The following HEXA variants were observed in gnomAD, a reference collection of about 807,000 sequenced individuals.
The protein encoded by HEXA is beta-hexosaminidase subunit alpha.
HEXA carries 54 observed loss-of-function variants against 73.3 expected under a neutral mutation model. The ratio of observed to expected loss-of-function variants is 0.74; its 90% confidence interval spans 0.59 to 0.92. The LOEUF (loss-of-function observed/expected upper bound fraction) is 0.92. Ranked by LOEUF, HEXA falls within the 40% of genes least tolerant of loss-of-function variation. The pLI, the probability that HEXA is intolerant of heterozygous loss-of-function variation, is 0.00. For synonymous variants in HEXA, 230 were observed against 246.9 expected (o/e 0.93, Z 0.64); for missense variants, 649 against 653.0 (o/e 0.99, Z 0.07).
In HEXA at chr15:72,344,087, T is replaced by A; in HGVS notation, c.1580A>T (p.Glu527Val). 1 of 1,613,682 alleles carries A rather than the reference T, an allele frequency of 6.2e-7. No individual in the cohort carries two copies. Among genetic ancestry groups the A allele is most frequent in the Non-Finnish European group, 8.5e-7 (1 of 1,179,750 alleles). The change falls in exon 14 of 14, where the codon GAA (glutamate) becomes GTA (valine). Residue 527 changes from glutamate (E) to valine (V), a missense_variant. By Grantham distance (121) the Glu-to-Val change is moderately radical (BLOSUM62 -2). Coordinates refer to ENST00000268097, the MANE Select transcript of HEXA (RefSeq NM_000520.6). Reference protein sequence around the residue: ...LNVGFCEQEFEQT With the variant: ...LNVGFCEQEFVQT Reference sequence around the variant, plus strand: ...CTCGGTGCCTGGGGCTCAGGTCTGTTCAAACTCCTGCTCACAGAAGCCTAC... The same window carrying A: ...CTCGGTGCCTGGGGCTCAGGTCTGTACAAACTCCTGCTCACAGAAGCCTAC...
intron 9 of HEXA, 24 bp downstream of exon 9, chr15:72,348,024 C>T (rs750658255): frequency 4.5e-6 from 7 of 1,551,036 alleles, no homozygotes; most frequent in Middle Eastern, 1.9e-4. Context: ...CAAGGGACCC[C>T]ACCCACCCTC....
In HEXA at chr15:72,347,708, TC is replaced by T. The variant is rs766138785; in HGVS notation, c.1123del (p.Glu375ArgfsTer7). On this transcript the variant is annotated frameshift_variant, in exon 10 of 14. Coordinates refer to ENST00000268097, the MANE Select transcript of HEXA (RefSeq NM_000520.6). LOFTEE classifies it high-confidence loss of function. ...CACCTTTACTTTATTATCAAACACCTCCTGCCACACCACATAGCCCTTGCCA... is the reference window on the plus strand; with the variant it reads ...CACCTTTACTTTATTATCAAACACCTCTGCCACACCACATAGCCCTTGCCA... ...SYGKGYVVWQ[E>X]VFDNKVKIQP... The T allele has an allele frequency of 4.3e-6, 7 of 1,612,106 alleles. No homozygotes were observed. Among genetic ancestry groups the T allele is most frequent in the Non-Finnish European group, 5.1e-6 (6 of 1,179,688 alleles).
At chr15:72,346,924 C>A in intron 10 of HEXA, 1 of 578,178 alleles carries the variant, frequency 1.7e-6, no homozygotes, top group East Asian at 3.1e-5. Flanking sequence ...CTCTCCTCCC[C>A]GTCCCTCTGC....
intron 1 of HEXA, chr15:72,370,710 A>AAAAAAAAAAAGG (rs2088980138): frequency 7.6e-6 from 1 of 131,296 alleles, no homozygotes; most frequent in Non-Finnish European, 1.7e-5. Flanking sequence ...AAAAAAAAAG[A>AAAAAAAAAAAGG]AAGAAAAGAA....
Position 72,346,659 on chromosome 15 carries a change from A to C in HEXA, c.1198T>G (p.Tyr400Asp). The change falls in exon 11 of 14, where the codon TAT becomes GAT. Residue 400 changes from tyrosine (Y) to aspartate (D), a missense_variant. Coordinates refer to ENST00000268097, the MANE Select transcript of HEXA (RefSeq NM_000520.6). ...QVWREDIPVN[Y>D]MKELELVTKA... The stretch of plus-strand genomic sequence containing the variant: ...GTGACCAGTTCCAGCTCCTTCATAT[A>C]GTTCACTGGAATATCCTCTCGCCAC... The C allele has an allele frequency of 6.2e-7, 1 of 1,614,062 alleles. No homozygotes were observed. Among genetic ancestry groups the C allele is most frequent in the Non-Finnish European group, 8.5e-7 (1 of 1,180,008 alleles).
intron 4 of HEXA, among the ~76,000 whole-genome samples, chr15:72,353,413 A>G (rs1328445472): frequency 6.6e-6 from 1 of 152,138 alleles, no homozygotes; most frequent in African/African-American, 2.4e-5. Flanking sequence ...CTCAGCCTAC[A>G]AATTCTGGAT....
chr15:72,352,422 C>T (rs1168259692), intron 5 of HEXA, among the ~76,000 whole-genome samples: 4 of 142,658 alleles, frequency 2.8e-5, no homozygotes, highest in Non-Finnish European at 4.5e-5. Flanking sequence ...GGTAACATGA[C>T]GAAACCCCAG....
At chr15:72,346,791 A>G in intron 10 of HEXA, 81 bp from the exon 11 acceptor site, 1 of 1,303,814 alleles carries the variant, frequency 7.7e-7, no homozygotes. Context: ...GCAACATGGG[A>G]CAACAGGTAT....
chr15:72,346,836 T>C, intron 10 of HEXA, 126 bp from the exon 11 acceptor site: 1 of 902,818 alleles, frequency 1.1e-6, no homozygotes, highest in Non-Finnish European at 1.8e-6. Context: ...AAAGTATGTC[T>C]CTGTGACTCC....
chr15:72,354,373 C>G (rs1029377061), intron 3 of HEXA: 7 of 153,166 alleles, frequency 4.6e-5, no homozygotes, highest in African/African-American at 1.7e-4. Context: ...TCTAGCAAGG[C>G]CCACACACAG....
At chr15:72,345,270 G>C in intron 13 of HEXA, 176 bp downstream of exon 13, 1 of 1,249,192 alleles carries the variant, frequency 8.0e-7, no homozygotes, top group South Asian at 1.4e-5. Flanking sequence ...ATTTTTTGTT[G>C]TATTTTTTTT....
At chr15:72,351,441 T>C in intron 5 of HEXA, 1 of 619,584 alleles carries the variant, frequency 1.6e-6, no homozygotes, top group Non-Finnish European at 2.9e-6. Context: ...ACTTCTACTT[T>C]TCCCAGAACA....
rs112614306 is a variant in HEXA, at chr15:72,351,223, C to G, written c.582G>C (p.Ala194=). Reference sequence around the variant, plus strand: ...AGTGGAACACGTTCAATTTATTGTACGCCATGACATCCTGTAGGTTAAAGT... The same window carrying G: ...AGTGGAACACGTTCAATTTATTGTAGGCCATGACATCCTGTAGGTTAAAGT... ...SSILDTLDVM[A]YNKLNVFHWH... is the part of the protein sequence containing the mutation. The change falls in exon 6 of 14, where the codon GCG becomes GCC. Residue 194 remains alanine (A), a synonymous_variant. Coordinates refer to ENST00000268097, the MANE Select transcript of HEXA (RefSeq NM_000520.6). The G allele has an allele frequency of 4.4e-6, 7 of 1,606,490 alleles. No homozygotes were observed. The African/African-American group carries it at 5.4e-5, about 12-fold the overall frequency.
At chr15:72,366,877 C>T (rs1325878168) in intron 1 of HEXA, among the ~76,000 whole-genome samples, 4 of 152,114 alleles carry the variant, frequency 2.6e-5, no homozygotes, top group African/African-American at 7.2e-5. Flanking sequence ...ATAGTCAACA[C>T]GTCAAAATCA....
chr15:72,356,436 G>A (rs1041483763), intron 2 of HEXA, 89 bp downstream of exon 2: 96 of 1,416,976 alleles, frequency 6.8e-5, no homozygotes, highest in Middle Eastern at 1.8e-4. Flanking sequence ...ACTCCAGGCC[G>A]AGCATCAGCA....
Position 72,344,000 on chromosome 15 carries a change from C to A in HEXA, c.*77G>T, listed in dbSNP as rs1435276042. 3.9e-6 allele frequency: 5 copies of A among 1,284,270 alleles called. No homozygotes were observed. The highest frequency in any genetic ancestry group is 2.3e-5 in the East Asian group (1 of 43,310). The allele number at this position is 1,284,270 out of a possible 1,614,324, so 79.6% of individuals were successfully genotyped here. A position where few individuals can be genotyped will look rare whatever the true frequency, so the allele number is the denominator to read the frequency against. On this transcript the variant is annotated 3_prime_UTR_variant, in exon 14 of 14. Transcript: ENST00000268097. The stretch of plus-strand genomic sequence containing the variant: ...GGGGCACGAAGGCAAGGGGCTCCGT[C>A]CCCTGGCCAGGATGCAGTGGAAGCC...
At chr15:72,356,281 A>G (rs2088777721) in intron 2 of HEXA, among the ~76,000 whole-genome samples, 1 of 152,198 alleles carries the variant, frequency 6.6e-6, no homozygotes, top group Non-Finnish European at 1.5e-5. Context: ...TCAGTACACC[A>G]GGTAGAAGTC....
At chr15:72,365,581 A>C (rs2088906072) in intron 1 of HEXA, among the ~76,000 whole-genome samples, 1 of 152,142 alleles carries the variant, frequency 6.6e-6, no homozygotes, top group African/African-American at 2.4e-5. Context: ...CTCTACCCCT[A>C]AAATTATAAT....
rs1401453352 is a variant in HEXA at position 72,368,708 on chromosome 15, A to C, written c.253+7012T>G. Among the ~76,000 whole-genome samples the C allele has an allele frequency of 3.3e-5, 5 of 152,196 alleles. No homozygotes were observed. The South Asian group carries it at 1.0e-3, about 32-fold the overall frequency. The stretch of plus-strand genomic sequence containing the variant: ...CCTCTTATAGGAGACTGAAGGCTTC[A>C]CTACTGTGAGATGCCATTCTGTATA... On this transcript the variant is annotated intron_variant, in intron 1 of 13. Transcript: ENST00000268097.
Sources: gnomAD v4.1 joint callset for allele counts (sites outside exome capture counted in the v4.1 genomes callset) on GRCh38, gnomAD v4.1.1 for gene constraint, MANE v1.5 for transcripts, NCBI Gene and HGNC (gene_info 2026-07-23, HGNC 2026-07-21) for gene names.